The following ADAMTS3 variants were observed in gnomAD, a reference collection of about 807,000 sequenced individuals.
ADAMTS3 encodes ADAM metallopeptidase with thrombospondin type 1 motif 3.
In ADAMTS3, 73 loss-of-function variants were observed where a neutral mutation model predicts 129.0. The observed-to-expected ratio is 0.57, with a 90% CI of 0.47 to 0.69. The LOEUF (loss-of-function observed/expected upper bound fraction) is 0.69. Ranked by LOEUF, ADAMTS3 falls within the 30% of genes least tolerant of loss-of-function variation. ADAMTS3 has a pLI of 0.00. For synonymous variants in ADAMTS3, 477 were observed against 510.8 expected (o/e 0.93, Z 0.89); for missense variants, 1,457 against 1,514.5 (o/e 0.96, Z 0.63).
chr4:72,288,149 A>T (rs962601580), intron 21 of ADAMTS3, among the ~76,000 whole-genome samples: 3 of 152,196 alleles, frequency 2.0e-5, no homozygotes, highest in African/African-American at 7.2e-5. Context: ...TACAGGCATG[A>T]GCCACCGCAC....
At chr4:72,343,851 C>G (rs1720203926) in intron 4 of ADAMTS3, among the ~76,000 whole-genome samples, 1 of 152,166 alleles carries the variant, frequency 6.6e-6, no homozygotes, top group African/African-American at 2.4e-5. Flanking sequence ...TTAAGCTTCT[C>G]AGAAATATCA....
In ADAMTS3 at chr4:72,568,825, CCCG is replaced by C. The variant is rs1722090436; in HGVS notation, c.-66_-64del. 2.7e-5 allele frequency: 33 copies of C among 1,215,708 alleles called. No individual in the cohort carries two copies. The South Asian group carries it at 3.4e-4, about 12-fold the overall frequency. 75.3% of individuals were successfully genotyped at this position (1,215,708 alleles called of 1,614,324 possible). A position where few individuals can be genotyped will look rare whatever the true frequency, so the allele number is the denominator to read the frequency against. ...AAATGCCCAGAGCAAACCCACCCCC[CCCG>C]CCCAAAATAAGTTTCTTTAAGAAAA... On this transcript the variant is annotated 5_prime_UTR_variant, in exon 1 of 22. Coordinates refer to ENST00000286657, the MANE Select transcript of ADAMTS3 (RefSeq NM_014243.3).
In ADAMTS3 at chr4:72,309,382, G is replaced by A; in HGVS notation, c.2179+15C>T. ...ACAGAGAAGAATACTAAATCCATGA[G>A]AGACCTCATCTTACCAAGCTTCCTG... is the stretch of plus-strand genomic sequence containing the variant. On this transcript the variant is annotated intron_variant, in intron 15 of 21. Coordinates refer to ENST00000286657, the MANE Select transcript of ADAMTS3 (RefSeq NM_014243.3). 1 of 1,610,418 alleles carries A rather than the reference G, an allele frequency of 6.2e-7. No homozygotes were observed. The highest frequency in any genetic ancestry group is 8.5e-7 in the Non-Finnish European group (1 of 1,177,476).
chr4:72,519,264 CT>C (rs1236481486), intron 3 of ADAMTS3, among the ~76,000 whole-genome samples: 1 of 152,196 alleles, frequency 6.6e-6, no homozygotes, highest in Non-Finnish European at 1.5e-5. Context: ...TCTGCCTGCC[CT>C]TAACATTTTT....
chr4:72,423,323 A>G lies in ADAMTS3; in HGVS notation c.505-8352T>C, dbSNP rs551748175. Reference sequence around the variant, plus strand: ...AAAGATGCTGAAAAAATATATATCAATATTGTGTGTGTAAGACGGAGAATA... The same window carrying G: ...AAAGATGCTGAAAAAATATATATCAGTATTGTGTGTGTAAGACGGAGAATA... On this transcript the variant is annotated intron_variant, in intron 3 of 21. Transcript: ENST00000286657. Among the ~76,000 whole-genome samples the G allele has an allele frequency of 2.6e-5, 4 of 152,246 alleles. No homozygotes were observed. The East Asian group carries it at 7.7e-4, about 29-fold the overall frequency.
intron 10 of ADAMTS3, among the ~76,000 whole-genome samples, chr4:72,316,711 A>C (rs1037093999): frequency 6.6e-6 from 1 of 151,538 alleles, no homozygotes; most frequent in Non-Finnish European, 1.5e-5. Flanking sequence ...TAATAATAAT[A>C]ATAATCATAA....
chr4:72,321,095 T>C (rs1053380355), intron 6 of ADAMTS3, among the ~76,000 whole-genome samples: 16 of 152,360 alleles, frequency 1.1e-4, no homozygotes, highest in Admixed American at 7.8e-4. Flanking sequence ...ATACCATTTA[T>C]GAGAATGGTT....
At chr4:72,529,925 T>A (rs1319331738) in intron 3 of ADAMTS3, among the ~76,000 whole-genome samples, 1 of 53,858 alleles carries the variant, frequency 1.9e-5, no homozygotes, top group African/African-American at 7.8e-5. Flanking sequence ...TTATAAATAT[T>A]ATATAATATA....
At chr4:72,451,307 A>C (rs1435583232) in intron 3 of ADAMTS3, among the ~76,000 whole-genome samples, 1 of 151,764 alleles carries the variant, frequency 6.6e-6, no homozygotes, top group Non-Finnish European at 1.5e-5. Flanking sequence ...ACTCAGAACA[A>C]ATGTCAGGGG....
intron 6 of ADAMTS3, among the ~76,000 whole-genome samples, chr4:72,321,400 C>T: frequency 6.6e-6 from 1 of 151,560 alleles, no homozygotes; most frequent in Admixed American, 6.6e-5. Flanking sequence ...CCAGGCTGGT[C>T]ACAAACTCCT....
chr4:72,490,809 ACTC>A (rs1404869711), intron 3 of ADAMTS3, among the ~76,000 whole-genome samples: 2 of 151,816 alleles, frequency 1.3e-5, no homozygotes, highest in African/African-American at 2.4e-5. Flanking sequence ...TTCTTTGGCT[ACTC>A]AGGGTCTTTT....
chr4:72,470,494 TA>T (rs1339929822), intron 3 of ADAMTS3, among the ~76,000 whole-genome samples: 9 of 150,944 alleles, frequency 6.0e-5, no homozygotes, highest in Non-Finnish European at 1.3e-4. Context: ...TACACACATA[TA>T]ATACACACAC....
intron 2 of ADAMTS3, among the ~76,000 whole-genome samples, chr4:72,564,493 C>G (rs947256711): frequency 1.3e-5 from 2 of 152,074 alleles, no homozygotes; most frequent in African/African-American, 4.8e-5. Context: ...CACATATATA[C>G]AGAAACATAC....
Position 72,527,594 on chromosome 4 carries a change from G to A in ADAMTS3, c.504+20884C>T, listed in dbSNP as rs1414880796. Among the ~76,000 whole-genome samples, 6 of 152,280 alleles carry A rather than the reference G, an allele frequency of 3.9e-5. No individual in the cohort carries two copies. The East Asian group carries it at 7.7e-4, about 20-fold the overall frequency. ...TACTCCCAAGAAGCAGCGAGAGTAA[G>A]AATTTGGTCACAGAAAAATAAAAGA... On this transcript the variant is annotated intron_variant, in intron 3 of 21. Transcript: ENST00000286657.
chr4:72,366,355 C>T (rs868671077), intron 4 of ADAMTS3, among the ~76,000 whole-genome samples: 4 of 152,128 alleles, frequency 2.6e-5, no homozygotes, highest in African/African-American at 7.2e-5. Context: ...TATTGTATTA[C>T]GGTAGAAGAC....
chr4:72,533,673 A>ATCTGTATATATACATATATATG (rs1721110061), intron 3 of ADAMTS3, among the ~76,000 whole-genome samples: 1 of 151,370 alleles, frequency 6.6e-6, no homozygotes, highest in Admixed American at 6.6e-5. Context: ...GTATATGCAC[A>ATCTGTATATATACATATATATG]TATATGCACA....
At chr4:72,536,363 G>T (rs778575044) in intron 3 of ADAMTS3, among the ~76,000 whole-genome samples, 52 of 152,256 alleles carry the variant, frequency 3.4e-4, no homozygotes, top group Non-Finnish European at 6.0e-4. Context: ...TTTCACCAAG[G>T]TTCTAATTTT....
At chr4:72,362,941 C>A (rs1460183469) in intron 4 of ADAMTS3, among the ~76,000 whole-genome samples, 1 of 152,004 alleles carries the variant, frequency 6.6e-6, no homozygotes, top group African/African-American at 2.4e-5. Flanking sequence ...AAACCAAACA[C>A]TTTAATTTTT....
In ADAMTS3 at chr4:72,484,012, C is replaced by T. The variant is rs541928033; in HGVS notation, c.504+64466G>A. Among the ~76,000 whole-genome samples the T allele has an allele frequency of 1.7e-4, 26 of 151,618 alleles. No homozygotes were observed. The South Asian group carries it at 3.3e-3, about 19-fold the overall frequency. On this transcript the variant is annotated intron_variant, in intron 3 of 21. Coordinates refer to ENST00000286657, the MANE Select transcript of ADAMTS3 (RefSeq NM_014243.3). ...CAGCCCGGGTGACAGAGCAGGACTC[C>T]GTCTCAAAAAAGAAAGAAAGAAAAA...
Sources: allele counts gnomAD v4.1 joint callset (sites outside exome capture counted in the v4.1 genomes callset), GRCh38; gene constraint gnomAD v4.1.1; transcripts MANE v1.5; gene names NCBI Gene and HGNC (gene_info 2026-07-23, HGNC 2026-07-21).